The following SOX5 variants were observed in gnomAD, a reference collection of about 807,000 sequenced individuals.
SOX5 encodes SRY-box transcription factor 5.
Under a neutral mutation model 92.0 loss-of-function variants are expected in SOX5, and 9 were observed. That is an observed-to-expected ratio of 0.10 (90% CI 0.06 to 0.17). The LOEUF is 0.17. Ranked by LOEUF, SOX5 falls within the 10% of genes least tolerant of loss-of-function variation. SOX5 has a pLI of 1.00. For missense variants in SOX5, 642 were observed against 944.5 expected (o/e 0.68, Z 4.20); for synonymous variants, 344 against 336.3 (o/e 1.02, Z -0.25).
chr12:23,857,170 T>C (rs1239647769), intron 2 of SOX5, among the ~76,000 whole-genome samples: 1 of 152,010 alleles, frequency 6.6e-6, no homozygotes, highest in African/African-American at 2.4e-5. Context: ...GAATAATAAA[T>C]AGAAGACTAA....
chr12:24,368,574 G>C (rs552578543), exon 2 of SOX5: 2 of 152,226 alleles, frequency 1.3e-5, no homozygotes, highest in Admixed American at 1.3e-4. Flanking sequence ...CCAGTAGGTC[G>C]CTAACTCCTT....
At position 24,211,628 on chromosome 12, in the gene SOX5, T is replaced by C. The variant is rs369493159; in HGVS notation, c.-2+1715A>G. On this transcript the variant is annotated intron_variant, in intron 4 of 4. Transcript: ENST00000446891. ...ATTTTTATGTGTGTGCACAATGTAG[T>C]ATACAGAATGATTTGTGTTCCATAA... Among the ~76,000 whole-genome samples the C allele has an allele frequency of 2.6e-4, 40 of 152,358 alleles. No homozygotes were observed. In the South Asian group the frequency reaches 6.2e-3, roughly 24 times the overall value.
rs566445355 is a variant in SOX5, at chr12:24,007,766, AATGT to A, written c.-1-111746_-1-111743del. ...ATATTTATGTATATAAATGTATATA[AATGT>A]ATTTATATATACACATACGCACGCA... On this transcript the variant is annotated intron_variant, in intron 4 of 4. Transcript: ENST00000446891. Among the ~76,000 whole-genome samples the A allele has an allele frequency of 2.8e-5, 3 of 105,976 alleles. 1 individual carries two copies. The highest frequency in any genetic ancestry group is 1.1e-4 in the African/African-American group (3 of 28,120). The allele number at this position is 105,976 out of a possible 152,430, so 69.5% of individuals were successfully genotyped here.
intron 6 of SOX5, among the ~76,000 whole-genome samples, chr12:23,670,119 A>T (rs536677341): frequency 7.9e-5 from 12 of 152,332 alleles, no homozygotes; most frequent in African/African-American, 2.9e-4. Flanking sequence ...GTATAACAAA[A>T]GCCAAGGGAA....
At chr12:24,479,736 G>A (rs1039850308) in intron 1 of SOX5, among the ~76,000 whole-genome samples, 1 of 152,030 alleles carries the variant, frequency 6.6e-6, no homozygotes, top group Non-Finnish European at 1.5e-5. Flanking sequence ...CACAATCTCA[G>A]CTTACTGCAA....
At chr12:24,417,027 C>G (rs768264234) in intron 1 of SOX5, among the ~76,000 whole-genome samples, 1 of 152,198 alleles carries the variant, frequency 6.6e-6, no homozygotes, top group Non-Finnish European at 1.5e-5. Context: ...CATGCTCTGG[C>G]AAGCCATGTG....
chr12:23,716,534 T>G (rs1181878234), intron 6 of SOX5, among the ~76,000 whole-genome samples: 1 of 152,204 alleles, frequency 6.6e-6, no homozygotes, highest in Non-Finnish European at 1.5e-5. Flanking sequence ...CTCTTTCTTC[T>G]TGGGGAAAAA....
chr12:24,170,643 T>C (rs1290873511), intron 4 of SOX5, among the ~76,000 whole-genome samples: 2 of 152,230 alleles, frequency 1.3e-5, no homozygotes, highest in South Asian at 2.1e-4. Flanking sequence ...TTTATAGTAC[T>C]TGGTTTGCAT....
intron 8 of SOX5, among the ~76,000 whole-genome samples, chr12:23,624,134 G>A (rs1008093380): frequency 1.3e-5 from 2 of 152,078 alleles, no homozygotes; most frequent in East Asian, 3.9e-4. Context: ...GCCTAGAACA[G>A]TTAAATTCAT....
At chr12:23,561,063 G>T (rs939705269) in intron 11 of SOX5, among the ~76,000 whole-genome samples, 3 of 152,162 alleles carry the variant, frequency 2.0e-5, no homozygotes, top group Non-Finnish European at 2.9e-5. Context: ...TAACTCAACT[G>T]CATTGAAAGT....
chr12:24,356,537 GA>G (rs1954846941), intron 2 of SOX5, among the ~76,000 whole-genome samples: 1 of 151,892 alleles, frequency 6.6e-6, no homozygotes, highest in African/African-American at 2.4e-5. Flanking sequence ...ATTGTTTCCT[GA>G]TGTATGCATT....
chr12:24,012,031 G>A (rs188326789), intron 4 of SOX5, among the ~76,000 whole-genome samples: 5 of 152,100 alleles, frequency 3.3e-5, no homozygotes, highest in Admixed American at 6.6e-5. Context: ...AGGTCCATGC[G>A]TTCTTTAGCC....
chr12:23,818,188 G>A (rs565152547), intron 3 of SOX5, among the ~76,000 whole-genome samples: 1 of 152,276 alleles, frequency 6.6e-6, no homozygotes, highest in East Asian at 1.9e-4. Context: ...TGTGTTAGGT[G>A]ATGTTGTCAT....
intron 4 of SOX5, among the ~76,000 whole-genome samples, chr12:24,209,508 AG>A (rs1466549747): frequency 1.3e-5 from 2 of 152,174 alleles, no homozygotes; most frequent in East Asian, 3.9e-4. Context: ...ATATTCTGAT[AG>A]GCAAATCATG....
intron 9 of SOX5, among the ~76,000 whole-genome samples, chr12:23,585,103 A>C (rs1260521389): frequency 6.6e-6 from 1 of 152,164 alleles, no homozygotes; most frequent in Non-Finnish European, 1.5e-5. Flanking sequence ...ATAGCATTTC[A>C]AAGGTTATTT....
At chr12:24,228,574 T>C (rs1356690729) in intron 3 of SOX5, among the ~76,000 whole-genome samples, 1 of 152,192 alleles carries the variant, frequency 6.6e-6, no homozygotes, top group Non-Finnish European at 1.5e-5. Flanking sequence ...AGTTACCAAA[T>C]GCCAACTCAA....
Position 24,135,221 on chromosome 12 carries a change from T to A in SOX5, c.-2+78122A>T, listed in dbSNP as rs191625182. 7.2e-5 allele frequency among the ~76,000 whole-genome samples: 11 copies of A among 152,288 alleles called. No individual in the cohort carries two copies. The East Asian group carries it at 2.1e-3, about 29-fold the overall frequency. ...CACCCTAGCCTAAATTATGACAGTA[T>A]CCAATCACAAGTTAATTCCCACTTC... is the stretch of plus-strand genomic sequence containing the variant. On this transcript the variant is annotated intron_variant, in intron 4 of 4. Transcript: ENST00000446891.
At chr12:23,947,009 A>T (rs949438234) in intron 1 of SOX5, among the ~76,000 whole-genome samples, 45 of 152,100 alleles carry the variant, frequency 3.0e-4, no homozygotes, top group African/African-American at 1.1e-3. Flanking sequence ...TAATATAGAC[A>T]TATACAAATC....
intron 3 of SOX5, among the ~76,000 whole-genome samples, chr12:24,234,170 T>C (rs969038707): frequency 1.3e-5 from 2 of 152,216 alleles, no homozygotes; most frequent in African/African-American, 4.8e-5. Flanking sequence ...CCAGAGGACC[T>C]ATAATATTTC....
Sources: allele counts gnomAD v4.1 joint callset (sites outside exome capture counted in the v4.1 genomes callset), GRCh38; gene constraint gnomAD v4.1.1; transcripts MANE v1.5; gene names NCBI Gene and HGNC (gene_info 2026-07-23, HGNC 2026-07-21).